Variants in CRIM1 observed in about 807,000 individuals in gnomAD.
The protein encoded by CRIM1 is cysteine rich transmembrane BMP regulator 1, also known as cysteine-rich motor neuron 1 protein.
In CRIM1, 32 loss-of-function variants were observed where a neutral mutation model predicts 116.4. That is an observed-to-expected ratio of 0.27 (90% CI 0.21 to 0.37). CRIM1 has a LOEUF of 0.37. Among genes scored for constraint, CRIM1 ranks in the 10% least tolerant of loss-of-function variants. The probability of loss-of-function intolerance (pLI) is 1.00; values close to 1 mark genes in which losing one functional copy is unlikely to be tolerated. For synonymous variants in CRIM1, 590 were observed against 509.2 expected (o/e 1.16, Z -2.13); for missense variants, 1,331 against 1,354.8 (o/e 0.98, Z 0.28).
intron 4 of CRIM1, among the ~76,000 whole-genome samples, chr2:36,459,150 G>T (rs1677387043): frequency 6.6e-6 from 1 of 152,026 alleles, no homozygotes; most frequent in Admixed American, 6.6e-5. Context: ...TGCGCATCTA[G>T]GCACAAAGTT....
At chr2:36,420,388 G>A (rs1042177596) in intron 2 of CRIM1, among the ~76,000 whole-genome samples, 12 of 152,158 alleles carry the variant, frequency 7.9e-5, no homozygotes, top group African/African-American at 2.9e-4. Flanking sequence ...AGCAGGGAGA[G>A]GTAGAGCCGA....
chr2:36,449,575 T>G (rs1348371392), intron 4 of CRIM1, among the ~76,000 whole-genome samples: 1 of 152,166 alleles, frequency 6.6e-6, no homozygotes, highest in Non-Finnish European at 1.5e-5. Flanking sequence ...TGGGTGAGGC[T>G]CTCACATTGT....
chr2:36,430,932 C>G (rs1572712962), intron 2 of CRIM1, among the ~76,000 whole-genome samples: 1 of 152,308 alleles, frequency 6.6e-6, no homozygotes, highest in East Asian at 1.9e-4. Context: ...AGAACAGTCT[C>G]CAGGAGAAAT....
intron 8 of CRIM1, among the ~76,000 whole-genome samples, chr2:36,503,072 C>CGT (rs1261592338): frequency 6.6e-6 from 1 of 152,204 alleles, no homozygotes; most frequent in African/African-American, 2.4e-5. Flanking sequence ...CTCCCCCATT[C>CGT]GTATTAGCAA....
Position 36,475,159 on chromosome 2 carries a change from T to C in CRIM1, c.992-1730T>C, listed in dbSNP as rs374094053. ...GAGCCAGCTAGGAGTTTGATAGAGA[T>C]TGCATTGAACATGTAGATCAATTTG... On this transcript the variant is annotated intron_variant, in intron 5 of 16. Transcript: ENST00000280527. Among the ~76,000 whole-genome samples the C allele has an allele frequency of 4.6e-5, 7 of 152,238 alleles. No individual in the cohort carries two copies. In the East Asian group the frequency reaches 1.2e-3, roughly 25 times the overall value.
intron 7 of CRIM1, among the ~76,000 whole-genome samples, chr2:36,483,488 A>AT (rs1330968456): frequency 6.6e-6 from 1 of 152,124 alleles, no homozygotes; most frequent in Admixed American, 6.6e-5. Flanking sequence ...ATCCCAGTTT[A>AT]CCATCAGAGA....
intron 4 of CRIM1, among the ~76,000 whole-genome samples, chr2:36,446,764 A>C (rs1676273544): frequency 6.6e-6 from 1 of 151,480 alleles, no homozygotes; most frequent in Admixed American, 6.6e-5. Context: ...GAGAGGGTGG[A>C]GAGGGATAAG....
rs1486393170 is a variant in CRIM1, at chr2:36,356,216, G to GCT, written c.-77_-76insCT. On this transcript the variant is annotated 5_prime_UTR_variant, in exon 1 of 17. Coordinates refer to ENST00000280527, the MANE Select transcript of CRIM1 (RefSeq NM_016441.3). This position sits in a 1 kb window ranked among gnomAD's most constrained non-coding sequence, Gnocchi z 4.3. ...GCTGCTGGTGCGGCGGCGGCGGCGC[G>GCT]TGTGCCCCGCGCAGGGGAGGGCGCC... The GCT allele has an allele frequency of 2.2e-5, 15 of 668,242 alleles. No individual in the cohort carries two copies. The East Asian group carries it at 5.8e-4, about 26-fold the overall frequency. The allele number at this position is 668,242 out of a possible 1,614,324, so 41.4% of individuals were successfully genotyped here.
At chr2:36,453,264 A>G (rs925137448) in intron 4 of CRIM1, among the ~76,000 whole-genome samples, 2 of 152,244 alleles carry the variant, frequency 1.3e-5, no homozygotes, top group Non-Finnish European at 2.9e-5. Context: ...GGCCTTGGTC[A>G]GTCTGTTGTG....
chr2:36,422,675 T>A (rs960185556), intron 2 of CRIM1, among the ~76,000 whole-genome samples: 1 of 152,242 alleles, frequency 6.6e-6, no homozygotes, highest in African/African-American at 2.4e-5. Context: ...ATTAAAAATA[T>A]GTGGTATAAA....
chr2:36,526,181 A>G (rs1665745979), intron 13 of CRIM1, among the ~76,000 whole-genome samples: 1 of 151,614 alleles, frequency 6.6e-6, no homozygotes, highest in African/African-American at 2.4e-5. Flanking sequence ...TGATTCCCTA[A>G]TTTTTTTTTG....
intron 7 of CRIM1, among the ~76,000 whole-genome samples, chr2:36,496,520 A>C (rs559692057): frequency 6.6e-6 from 1 of 152,320 alleles, no homozygotes; most frequent in Non-Finnish European, 1.5e-5. Context: ...TGCTTCTTGC[A>C]TGCTACAGCG....
chr2:36,476,817 G>A, intron 5 of CRIM1, 72 bp from the exon 6 acceptor site: 3 of 1,312,492 alleles, frequency 2.3e-6, no homozygotes, highest in East Asian at 2.4e-5. Flanking sequence ...TCTAGAGGCT[G>A]TTTGAAAAAC....
In CRIM1 at chr2:36,356,517, C is replaced by A; in HGVS notation, c.225C>A (p.Gly75=). 2 of 1,612,866 alleles carry A rather than the reference C, an allele frequency of 1.2e-6. No homozygotes were observed. The highest frequency in any genetic ancestry group is 1.7e-6 in the Non-Finnish European group (2 of 1,179,854). The change falls in exon 1 of 17, where the codon GGC becomes GGA. Residue 75 remains glycine (G), a synonymous_variant. Coordinates refer to ENST00000280527, the MANE Select transcript of CRIM1 (RefSeq NM_016441.3). This position sits in a 1 kb window ranked among gnomAD's most constrained non-coding sequence, Gnocchi z 4.3. ...TCASQRNESC[G]GTFGIYGTCD... is the part of the protein sequence containing the mutation. The stretch of plus-strand genomic sequence containing the variant: ...CCAGCCAGAGGAACGAGAGCTGCGG[C>A]GGCACCTTCGGGATTTACGGAACCT...
At chr2:36,472,868 A>G (rs997200917) in intron 5 of CRIM1, among the ~76,000 whole-genome samples, 7 of 152,174 alleles carry the variant, frequency 4.6e-5, no homozygotes, top group African/African-American at 7.2e-5. Context: ...CCCAACTCAG[A>G]TTAGTTTGTT....
At chr2:36,394,070 G>T (rs557002710) in intron 1 of CRIM1, among the ~76,000 whole-genome samples, 1 of 152,156 alleles carries the variant, frequency 6.6e-6, no homozygotes, top group Non-Finnish European at 1.5e-5. Flanking sequence ...CAGGAGAGTG[G>T]TGTCTTCAGG....
At chr2:36,499,437 G>T (rs1680834377) in intron 8 of CRIM1, 90 bp downstream of exon 8, 1 of 1,335,768 alleles carries the variant, frequency 7.5e-7, no homozygotes. Flanking sequence ...TTTCACTTCT[G>T]TTCAGACATT....
chr2:36,469,777 A>G (rs913565832), intron 5 of CRIM1, among the ~76,000 whole-genome samples: 1 of 152,210 alleles, frequency 6.6e-6, no homozygotes, highest in African/African-American at 2.4e-5. Flanking sequence ...TTTGAGAGCA[A>G]TACTCCACTC....
intron 2 of CRIM1, among the ~76,000 whole-genome samples, chr2:36,411,063 A>C (rs1673165969): frequency 6.6e-6 from 1 of 152,214 alleles, no homozygotes; most frequent in Non-Finnish European, 1.5e-5. Flanking sequence ...CTTGCATATA[A>C]CATCTAAAGT....
Sources: gnomAD v4.1 joint callset for allele counts (sites outside exome capture counted in the v4.1 genomes callset) on GRCh38, gnomAD v4.1.1 for gene constraint, Gnocchi (gnomAD v3.1) non-coding constraint, MANE v1.5 for transcripts, NCBI Gene and HGNC (gene_info 2026-07-23, HGNC 2026-07-21) for gene names.